WDR70: variants seen among roughly 807,000 people sequenced by gnomAD.
WDR70 encodes WD repeat-containing protein 70.
WDR70 carries 53 observed loss-of-function variants against 88.6 expected under a neutral mutation model. The observed-to-expected ratio is 0.60, with a 90% CI of 0.48 to 0.75. The LOEUF (loss-of-function observed/expected upper bound fraction) is 0.75, where lower values mean the gene tolerates loss of function less well. Ranked by LOEUF, WDR70 falls within the 30% of genes least tolerant of loss-of-function variation. The pLI is 0.00. For synonymous variants in WDR70, 280 were observed against 270.0 expected (o/e 1.04, Z -0.36); for missense variants, 610 against 823.2 (o/e 0.74, Z 3.17).
At chr5:37,602,213 T>C (rs1196115986) in intron 9 of WDR70, among the ~76,000 whole-genome samples, 1 of 150,798 alleles carries the variant, frequency 6.6e-6, no homozygotes, top group Non-Finnish European at 1.5e-5. Context: ...GAACTTAAAG[T>C]ATATATATAT....
intron 9 of WDR70, among the ~76,000 whole-genome samples, chr5:37,589,249 T>TACACAC (rs57446016): frequency 0.082 from 11,498 of 140,004 alleles, 594 homozygotes; most frequent in South Asian, 0.11. Flanking sequence ...CCTACACACA[T>TACACAC]ACACACACAC....
chr5:37,433,506 C>T (rs1455904219), intron 5 of WDR70, among the ~76,000 whole-genome samples: 2 of 152,182 alleles, frequency 1.3e-5, no homozygotes, highest in Non-Finnish European at 2.9e-5. Context: ...CTCCAGGACT[C>T]TCCTGCTGAT....
rs1581520882 is a variant in WDR70, at chr5:37,713,799, C to G, written c.1417-7316C>G. Among the ~76,000 whole-genome samples the G allele has an allele frequency of 2.0e-5, 3 of 152,276 alleles. No individual in the cohort carries two copies. The East Asian group carries it at 5.8e-4, about 29-fold the overall frequency. On this transcript the variant is annotated intron_variant, in intron 13 of 17. Transcript: ENST00000265107. ...TCTAACCCTAGCACCGTATCACATC[C>G]CACTGATGGACCAAGTGAAGGACTT...
intron 9 of WDR70, among the ~76,000 whole-genome samples, chr5:37,528,837 C>G (rs544741388): frequency 6.8e-6 from 1 of 146,064 alleles, no homozygotes; most frequent in Non-Finnish European, 1.5e-5. Context: ...ATTTATTTAT[C>G]TTTGTGTTCG....
At chr5:37,633,696 C>T (rs1176419165) in intron 10 of WDR70, among the ~76,000 whole-genome samples, 1 of 151,996 alleles carries the variant, frequency 6.6e-6, no homozygotes, top group African/African-American at 2.4e-5. Context: ...TTAGACATTT[C>T]ACTGAATCGT....
intron 5 of WDR70, among the ~76,000 whole-genome samples, chr5:37,406,749 A>T (rs531818241): frequency 5.4e-4 from 77 of 143,080 alleles, no homozygotes; most frequent in Non-Finnish European, 8.7e-4. Context: ...CTAATAAAAA[A>T]CTTAAACTAA....
intron 10 of WDR70, among the ~76,000 whole-genome samples, chr5:37,644,004 A>G (rs937819035): frequency 6.6e-6 from 1 of 151,938 alleles, no homozygotes; most frequent in African/African-American, 2.4e-5. Flanking sequence ...TGCTCTAGTT[A>G]GACTTCCAGT....
At chr5:37,446,959 G>C (rs1738502586) in intron 7 of WDR70, among the ~76,000 whole-genome samples, 2 of 152,180 alleles carry the variant, frequency 1.3e-5, no homozygotes, top group African/African-American at 4.8e-5. Context: ...TTAAACTAAA[G>C]AGCTTCTGCA....
intron 9 of WDR70, among the ~76,000 whole-genome samples, chr5:37,542,996 G>C (rs967178041): frequency 6.6e-6 from 1 of 152,178 alleles, no homozygotes; most frequent in South Asian, 2.1e-4. Context: ...TGGAGCACAG[G>C]CACAAGTTCT....
chr5:37,592,882 C>T (rs767315767), intron 9 of WDR70, among the ~76,000 whole-genome samples: 37 of 152,288 alleles, frequency 2.4e-4, no homozygotes, highest in South Asian at 4.1e-4. Flanking sequence ...CTGCCAGTAA[C>T]GGTGGCTTGC....
Position 37,724,817 on chromosome 5 carries a change from A to C in WDR70, c.1598-117A>C, listed in dbSNP as rs899036849. ...TACAGTAAGACTGTCTTTTATTATC[A>C]GATCAAGACTGTCATTATGACTTCC... On this transcript the variant is annotated intron_variant, in intron 15 of 17. Transcript: ENST00000265107. The C allele has an allele frequency of 5.1e-6, 5 of 984,660 alleles. No individual in the cohort carries two copies. In the African/African-American group the frequency reaches 6.6e-5, roughly 13 times the overall value. 61.0% of individuals were successfully genotyped at this position (984,660 alleles called of 1,614,324 possible).
At chr5:37,665,620 A>T (rs978015790) in intron 10 of WDR70, among the ~76,000 whole-genome samples, 1 of 152,212 alleles carries the variant, frequency 6.6e-6, no homozygotes, top group Admixed American at 6.5e-5. Flanking sequence ...AAAAATTTGT[A>T]CATTTTGATG....
intron 9 of WDR70, among the ~76,000 whole-genome samples, chr5:37,589,658 G>A (rs1435124841): frequency 6.6e-6 from 1 of 152,030 alleles, no homozygotes; most frequent in Non-Finnish European, 1.5e-5. Context: ...TCAGGTCACT[G>A]CAGCCTCTGC....
chr5:37,650,717 GC>G lies in WDR70; in HGVS notation c.1092+45482del, dbSNP rs372396546. On this transcript the variant is annotated intron_variant, in intron 10 of 17. Coordinates refer to ENST00000265107, the MANE Select transcript of WDR70 (RefSeq NM_018034.4). ...ATTATTTGCATGGTAGGTAATTGAAGCCCTTTGCATTCTTGAGCTCTTGGGG... is the reference window on the plus strand; with the variant it reads ...ATTATTTGCATGGTAGGTAATTGAAGCCTTTGCATTCTTGAGCTCTTGGGG... Among the ~76,000 whole-genome samples the G allele has an allele frequency of 7.8e-3, 1,190 of 152,214 alleles. 20 individuals carry two copies. Among genetic ancestry groups the G allele is most frequent in the African/African-American group, 0.028 (1,148 of 41,526 alleles).
intron 5 of WDR70, among the ~76,000 whole-genome samples, 183 bp from the exon 6 acceptor site, chr5:37,437,739 A>AT (rs1387195337): frequency 6.6e-6 from 1 of 152,106 alleles, no homozygotes; most frequent in Non-Finnish European, 1.5e-5. Context: ...TCAGAGACCC[A>AT]TTGTAGTGTA....
intron 9 of WDR70, among the ~76,000 whole-genome samples, 155 bp from the exon 10 acceptor site, chr5:37,604,909 A>C (rs979852032): frequency 1.3e-5 from 2 of 152,204 alleles, no homozygotes. Context: ...TAAATAGAGA[A>C]TCTTTTACAG....
chr5:37,731,128 C>T (rs1748132743), intron 17 of WDR70, among the ~76,000 whole-genome samples: 1 of 152,050 alleles, frequency 6.6e-6, no homozygotes, highest in South Asian at 2.1e-4. Flanking sequence ...TATTTATACT[C>T]CCTTATTTGT....
rs912785604 is a variant in WDR70 at position 37,753,122 on chromosome 5, T to A, written c.*549T>A. 1 of 152,328 alleles carries A rather than the reference T, an allele frequency of 6.6e-6. No homozygotes were observed. The highest frequency in any genetic ancestry group is 1.5e-5 in the Non-Finnish European group (1 of 68,126). 9.4% of individuals were successfully genotyped at this position (152,328 alleles called of 1,614,324 possible). The stretch of plus-strand genomic sequence containing the variant: ...GGAGTGGGCTTTGAAGTCAGACTCA[T>A]GTGGATTCAAGTCCTGGCTTTGCTC... On this transcript the variant is annotated 3_prime_UTR_variant, in exon 18 of 18. Coordinates refer to ENST00000265107, the MANE Select transcript of WDR70 (RefSeq NM_018034.4).
At chr5:37,425,961 G>A (rs955368894) in intron 5 of WDR70, among the ~76,000 whole-genome samples, 3 of 152,268 alleles carry the variant, frequency 2.0e-5, no homozygotes, top group Admixed American at 1.3e-4. Context: ...AGACATCCAG[G>A]CAAAGCATCC....
Sources: allele counts gnomAD v4.1 joint callset (sites outside exome capture counted in the v4.1 genomes callset), GRCh38; gene constraint gnomAD v4.1.1; transcripts MANE v1.5; gene names NCBI Gene and HGNC (gene_info 2026-07-23, HGNC 2026-07-21).